The following SLC9A9 variants were observed in gnomAD, a reference collection of about 807,000 sequenced individuals.
The protein encoded by SLC9A9 is solute carrier family 9 member A9.
Under a neutral mutation model 77.8 loss-of-function variants are expected in SLC9A9, and 62 were observed. The observed-to-expected ratio is 0.80, with a 90% CI of 0.65 to 0.98. The LOEUF (loss-of-function observed/expected upper bound fraction) is 0.98. Among genes scored for constraint, SLC9A9 ranks in the 50% least tolerant of loss-of-function variants. The pLI is 0.00. For synonymous variants in SLC9A9, 320 were observed against 283.5 expected (o/e 1.13, Z -1.29); for missense variants, 775 against 774.9 (o/e 1.00, Z 0.00).
chr3:143,293,984 G>A (rs2108420170), intron 14 of SLC9A9, among the ~76,000 whole-genome samples: 1 of 152,198 alleles, frequency 6.6e-6, no homozygotes, highest in South Asian at 2.1e-4. Flanking sequence ...AATACAATGA[G>A]ATAATAAAAA....
chr3:143,642,904 T>C (rs1215538414), intron 6 of SLC9A9, among the ~76,000 whole-genome samples: 3 of 152,166 alleles, frequency 2.0e-5, no homozygotes, highest in Admixed American at 6.5e-5. Context: ...TCTTTTCTAA[T>C]TTTTCCCCAC....
At chr3:143,276,794 A>G (rs1429197837) in intron 14 of SLC9A9, among the ~76,000 whole-genome samples, 1 of 152,076 alleles carries the variant, frequency 6.6e-6, no homozygotes, top group Non-Finnish European at 1.5e-5. Context: ...AAAACCTCCA[A>G]AAAAACTGCC....
At chr3:143,546,072 A>C (rs1157109991) in intron 9 of SLC9A9, among the ~76,000 whole-genome samples, 1 of 152,242 alleles carries the variant, frequency 6.6e-6, no homozygotes. Flanking sequence ...AGGCCCTACC[A>C]TGAGTACTAG....
At position 143,327,259 on chromosome 3, in the gene SLC9A9, T is replaced by G. The variant is rs2031633809; in HGVS notation, c.1604+36225A>C. Reference sequence around the variant, plus strand: ...AAAAATCACTACCTCCCACAATTAATTAGAGAAAAAAAAATCTGATAAAAG... The same window carrying G: ...AAAAATCACTACCTCCCACAATTAAGTAGAGAAAAAAAAATCTGATAAAAG... On this transcript the variant is annotated intron_variant, in intron 14 of 15. Transcript: ENST00000316549. Among the ~76,000 whole-genome samples, 4 of 151,756 alleles carry G rather than the reference T, an allele frequency of 2.6e-5. No individual in the cohort carries two copies. In the South Asian group the frequency reaches 8.3e-4, roughly 32 times the overall value.
chr3:143,773,385 T>C (rs1028187243), intron 4 of SLC9A9, among the ~76,000 whole-genome samples: 1 of 151,976 alleles, frequency 6.6e-6, no homozygotes, highest in African/African-American at 2.4e-5. Flanking sequence ...AATAATAAAA[T>C]ATAGAAAAAA....
At chr3:143,778,741 T>C (rs1171156040) in intron 4 of SLC9A9, among the ~76,000 whole-genome samples, 1 of 152,150 alleles carries the variant, frequency 6.6e-6, no homozygotes, top group African/African-American at 2.4e-5. Flanking sequence ...AAAACCAATT[T>C]CCTTACAAAA....
intron 14 of SLC9A9, among the ~76,000 whole-genome samples, chr3:143,356,290 T>C (rs2032581497): frequency 1.3e-5 from 2 of 152,208 alleles, no homozygotes; most frequent in African/African-American, 4.8e-5. Context: ...GTGAATCAGT[T>C]GCCATCAGTA....
intron 4 of SLC9A9, among the ~76,000 whole-genome samples, chr3:143,767,278 T>C (rs1372027007): frequency 6.6e-6 from 1 of 152,026 alleles, no homozygotes; most frequent in Non-Finnish European, 1.5e-5. Flanking sequence ...GAATTTCCCA[T>C]ACTGAGTAAA....
At chr3:143,773,854 A>G (rs1014116384) in intron 4 of SLC9A9, among the ~76,000 whole-genome samples, 5 of 152,168 alleles carry the variant, frequency 3.3e-5, no homozygotes. Flanking sequence ...ATTAGGTCTC[A>G]TGAGTGGTAC....
intron 12 of SLC9A9, among the ~76,000 whole-genome samples, chr3:143,411,188 A>G (rs2034090815): frequency 6.6e-6 from 1 of 152,208 alleles, no homozygotes; most frequent in South Asian, 2.1e-4. Context: ...CTGTTCTATC[A>G]GAAGGTCTGT....
chr3:143,431,156 T>C (rs1314496894), intron 12 of SLC9A9, among the ~76,000 whole-genome samples: 1 of 152,128 alleles, frequency 6.6e-6, no homozygotes, highest in Non-Finnish European at 1.5e-5. Context: ...CCCCTAAATC[T>C]TTCTCATCTC....
intron 1 of SLC9A9, among the ~76,000 whole-genome samples, chr3:143,845,272 T>C (rs1259145425): frequency 1.3e-5 from 2 of 152,184 alleles, no homozygotes; most frequent in Non-Finnish European, 2.9e-5. Flanking sequence ...TCCTTCCCCA[T>C]CTATGATTCC....
chr3:143,789,386 A>G (rs1020026060), intron 4 of SLC9A9, among the ~76,000 whole-genome samples: 2 of 152,318 alleles, frequency 1.3e-5, no homozygotes, highest in South Asian at 2.1e-4. Context: ...AATGGGATCA[A>G]TGCAGACTGT....
chr3:143,798,839 G>C (rs1300785474), intron 2 of SLC9A9, among the ~76,000 whole-genome samples: 1 of 152,000 alleles, frequency 6.6e-6, no homozygotes, highest in Non-Finnish European at 1.5e-5. Context: ...CCTCCCGCCT[G>C]TCCCCTCAGT....
chr3:143,621,954 A>T (rs2038221851), intron 6 of SLC9A9, among the ~76,000 whole-genome samples: 2 of 152,236 alleles, frequency 1.3e-5, no homozygotes, highest in South Asian at 4.1e-4. Flanking sequence ...AGGCACGAGA[A>T]CTACATGACA....
intron 4 of SLC9A9, among the ~76,000 whole-genome samples, chr3:143,723,931 CG>C (rs1934569896): frequency 6.6e-6 from 1 of 152,184 alleles, no homozygotes; most frequent in African/African-American, 2.4e-5. Context: ...AAGTTTGAGA[CG>C]CTTTGCCTAT....
At chr3:143,450,165 A>G (rs1339539570) in intron 12 of SLC9A9, among the ~76,000 whole-genome samples, 1 of 131,880 alleles carries the variant, frequency 7.6e-6, no homozygotes, top group African/African-American at 2.8e-5. Context: ...TATATAATAT[A>G]CATATTTATT....
At chr3:143,472,251 G>A (rs1434274058) in intron 11 of SLC9A9, among the ~76,000 whole-genome samples, 1 of 152,194 alleles carries the variant, frequency 6.6e-6, no homozygotes, top group African/African-American at 2.4e-5. Flanking sequence ...TAAACTGTAA[G>A]AAGGTGTATT....
At chr3:143,780,125 A>G (rs2007823982) in intron 4 of SLC9A9, among the ~76,000 whole-genome samples, 1 of 152,238 alleles carries the variant, frequency 6.6e-6, no homozygotes, top group Non-Finnish European at 1.5e-5. Context: ...ATTAAAAGTA[A>G]CACCTTCACA....
Sources: allele counts gnomAD v4.1 joint callset (sites outside exome capture counted in the v4.1 genomes callset), GRCh38; gene constraint gnomAD v4.1.1; transcripts MANE v1.5; gene names NCBI Gene and HGNC (gene_info 2026-07-23, HGNC 2026-07-21).